Variants in NCK2 observed in about 807,000 individuals in gnomAD.
The protein encoded by NCK2 is NCK adaptor protein 2.
NCK2 carries 16 observed loss-of-function variants against 33.9 expected under a neutral mutation model. That is an observed-to-expected ratio of 0.47 (90% CI 0.32 to 0.72). The LOEUF (loss-of-function observed/expected upper bound fraction) is 0.72, where lower values mean the gene tolerates loss of function less well. Among genes scored for constraint, NCK2 ranks in the 30% least tolerant of loss-of-function variants. The pLI is 0.03. For missense variants in NCK2, 418 were observed against 537.3 expected, an observed-to-expected ratio of 0.78 and a Z score of 2.19; for synonymous variants, 273 against 239.9, an observed-to-expected ratio of 1.14 and a Z score of -1.27.
At chr2:105,863,461 G>A (rs1184669537) in intron 3 of NCK2, among the ~76,000 whole-genome samples, 1 of 152,180 alleles carries the variant, frequency 6.6e-6, no homozygotes, top group Non-Finnish European at 1.5e-5. Flanking sequence ...AAACAGGGAT[G>A]CAGACACGAT....
intron 3 of NCK2, among the ~76,000 whole-genome samples, chr2:105,872,947 C>T (rs563268969): frequency 1.1e-3 from 175 of 152,316 alleles, no homozygotes; most frequent in Non-Finnish European, 1.9e-3. Context: ...ACATTAGCAG[C>T]GCCTGTCCTC....
At chr2:105,873,859 C>A (rs554372745) in intron 3 of NCK2, among the ~76,000 whole-genome samples, 1 of 152,282 alleles carries the variant, frequency 6.6e-6, no homozygotes, top group East Asian at 1.9e-4. Flanking sequence ...ACCTCTGCAG[C>A]GTGGGCAGAT....
chr2:105,853,364 G>A (rs888821323), intron 2 of NCK2, among the ~76,000 whole-genome samples: 5 of 151,924 alleles, frequency 3.3e-5, no homozygotes, highest in Admixed American at 6.6e-5. Context: ...TATAATACAC[G>A]CATCTATTTA....
chr2:105,794,883 G>A (rs1178699990), intron 1 of NCK2, among the ~76,000 whole-genome samples: 13 of 151,878 alleles, frequency 8.6e-5, no homozygotes, highest in African/African-American at 3.1e-4. Context: ...AGCCAAAGAT[G>A]GTTATGTCCA....
chr2:105,843,241 TATA>T (rs1463131298), intron 2 of NCK2, among the ~76,000 whole-genome samples: 2 of 152,118 alleles, frequency 1.3e-5, no homozygotes, highest in South Asian at 2.1e-4. Flanking sequence ...GGTAATTTCA[TATA>T]ATATTTTTAA....
intron 2 of NCK2, among the ~76,000 whole-genome samples, chr2:105,837,068 T>C (rs1377322900): frequency 6.6e-6 from 1 of 152,232 alleles, no homozygotes; most frequent in Non-Finnish European, 1.5e-5. Flanking sequence ...GAGTCAGTCC[T>C]GGCTGGCTGC....
chr2:105,823,390 C>T (rs564542105), intron 2 of NCK2, among the ~76,000 whole-genome samples: 8 of 151,932 alleles, frequency 5.3e-5, no homozygotes, highest in South Asian at 2.1e-4. Context: ...TCCCCATTCC[C>T]GTGCTGCAGG....
At chr2:105,776,836 G>C (rs1430774946) in intron 1 of NCK2, among the ~76,000 whole-genome samples, 2 of 151,920 alleles carry the variant, frequency 1.3e-5, no homozygotes, top group African/African-American at 4.8e-5. Context: ...CAGTACTGCT[G>C]ACCTCACTTT....
At chr2:105,756,956 C>A (rs1689615892) in intron 1 of NCK2, among the ~76,000 whole-genome samples, 1 of 152,146 alleles carries the variant, frequency 6.6e-6, no homozygotes, top group African/African-American at 2.4e-5. Context: ...CAGGCATACA[C>A]CACCATGCCC....
chr2:105,794,388 T>G (rs1009543288), intron 1 of NCK2, among the ~76,000 whole-genome samples: 30 of 152,240 alleles, frequency 2.0e-4, no homozygotes, highest in African/African-American at 6.7e-4. Context: ...ATGCTGAAAA[T>G]CTTTGTCCCT....
chr2:105,859,435 T>C (rs888759944), intron 3 of NCK2, among the ~76,000 whole-genome samples: 1 of 152,172 alleles, frequency 6.6e-6, no homozygotes, highest in African/African-American at 2.4e-5. Flanking sequence ...GCCCCAGGGC[T>C]CACTCCTCAG....
At chr2:105,779,076 G>T (rs1040242005) in intron 1 of NCK2, among the ~76,000 whole-genome samples, 2 of 152,172 alleles carry the variant, frequency 1.3e-5, no homozygotes, top group Non-Finnish European at 2.9e-5. Flanking sequence ...GGAGGCTGAG[G>T]CAGGTGGATC....
At chr2:105,861,063 A>G (rs1033643402) in intron 3 of NCK2, among the ~76,000 whole-genome samples, 4 of 152,052 alleles carry the variant, frequency 2.6e-5, no homozygotes, top group Admixed American at 2.0e-4. Context: ...GAAGGTAACA[A>G]TTGTTTACGG....
At chr2:105,775,283 T>A (rs1056985998) in intron 1 of NCK2, among the ~76,000 whole-genome samples, 1 of 152,174 alleles carries the variant, frequency 6.6e-6, no homozygotes, top group Non-Finnish European at 1.5e-5. Context: ...GATGGGAAAT[T>A]TCAAAATTTA....
chr2:105,812,128 CTT>C lies in NCK2; in HGVS notation c.-200-4301_-200-4300del, dbSNP rs756295094. 1.4e-4 allele frequency among the ~76,000 whole-genome samples: 22 copies of C among 152,230 alleles called. No homozygotes were observed. The Middle Eastern group carries it at 0.01, about 71-fold the overall frequency. ...ATAATTTCAGCCTAGTGCAGAAAAA[CTT>C]GATACTTTTACTTTTCAGGACAGCT... On this transcript the variant is annotated intron_variant, in intron 1 of 4. Transcript: ENST00000233154.
chr2:105,839,433 G>T (rs1676551529), intron 2 of NCK2, among the ~76,000 whole-genome samples: 2 of 152,268 alleles, frequency 1.3e-5, no homozygotes, highest in Middle Eastern at 3.4e-3. Context: ...TTGAAGGCAA[G>T]TCTGTGGGGT....
At chr2:105,828,345 G>T (rs971526307) in intron 2 of NCK2, among the ~76,000 whole-genome samples, 1 of 152,102 alleles carries the variant, frequency 6.6e-6, no homozygotes, top group African/African-American at 2.4e-5. Context: ...CCATATTTTT[G>T]TTGTTGTTGT....
intron 1 of NCK2, among the ~76,000 whole-genome samples, chr2:105,814,847 A>G (rs577518145): frequency 6.6e-6 from 1 of 152,380 alleles, no homozygotes; most frequent in South Asian, 2.1e-4. Context: ...AAACAACTGC[A>G]TAAAACAATT....
intron 3 of NCK2, among the ~76,000 whole-genome samples, chr2:105,873,887 C>T (rs750404069): frequency 1.3e-5 from 2 of 152,140 alleles, no homozygotes; most frequent in Non-Finnish European, 2.9e-5. Flanking sequence ...CAACCCTGGC[C>T]ATGTCCTCCT....
Sources: allele counts gnomAD v4.1 joint callset (sites outside exome capture counted in the v4.1 genomes callset), GRCh38; gene constraint gnomAD v4.1.1; transcripts MANE v1.5; gene names NCBI Gene and HGNC (gene_info 2026-07-23, HGNC 2026-07-21).